The following ARHGAP31 variants were observed in gnomAD, a reference collection of about 807,000 sequenced individuals.
ARHGAP31 encodes the protein Rho GTPase activating protein 31.
ARHGAP31 carries 34 observed loss-of-function variants against 113.9 expected under a neutral mutation model. That is an observed-to-expected ratio of 0.30 (90% confidence interval 0.23 to 0.40). The LOEUF (loss-of-function observed/expected upper bound fraction) is 0.40, where lower values mean the gene tolerates loss of function less well. Ranked by LOEUF, ARHGAP31 falls within the 10% of genes least tolerant of loss-of-function variation. ARHGAP31 has a pLI of 1.00. For synonymous variants in ARHGAP31, 650 were observed against 684.8 expected, an observed-to-expected ratio of 0.95 and a Z score of 0.79; for missense variants, 1,548 against 1,767.1, an observed-to-expected ratio of 0.88 and a Z score of 2.22.
chr3:119,351,892 G>A (rs1051541139), intron 1 of ARHGAP31, among the ~76,000 whole-genome samples: 1 of 152,194 alleles, frequency 6.6e-6, no homozygotes, highest in African/African-American at 2.4e-5. Flanking sequence ...CTTTGATCAG[G>A]TGATTCCACT....
Position 119,361,263 on chromosome 3 carries a change from C to T in ARHGAP31, c.101-4053C>T, listed in dbSNP as rs559843335. Among the ~76,000 whole-genome samples the T allele has an allele frequency of 2.0e-5, 3 of 152,308 alleles. No homozygotes were observed. In the South Asian group the frequency reaches 6.2e-4, roughly 32 times the overall value. On this transcript the variant is annotated intron_variant, in intron 1 of 11. Transcript: ENST00000264245. ...AGGCAAATTCTCAACACTCCTACCA[C>T]CTGCCTCCCTACTGAATTGCAATAT...
chr3:119,413,163 A>G (rs1306159972), intron 11 of ARHGAP31, among the ~76,000 whole-genome samples: 1 of 151,366 alleles, frequency 6.6e-6, no homozygotes, highest in African/African-American at 2.4e-5. Context: ...TAAAAATACA[A>G]AAAATTAGCC....
intron 1 of ARHGAP31, among the ~76,000 whole-genome samples, chr3:119,360,004 A>G (rs2080191779): frequency 6.6e-6 from 1 of 151,842 alleles, no homozygotes. Context: ...GGTCCTTTTT[A>G]TTACCTCAAA....
At chr3:119,338,477 A>G (rs1244947082) in intron 1 of ARHGAP31, among the ~76,000 whole-genome samples, 2 of 152,258 alleles carry the variant, frequency 1.3e-5, no homozygotes, top group Admixed American at 6.5e-5. Flanking sequence ...TTAAGTCATT[A>G]TATGACCACT....
chr3:119,409,420 G>C, intron 10 of ARHGAP31, 76 bp from the exon 11 acceptor site: 1 of 1,557,564 alleles, frequency 6.4e-7, no homozygotes, highest in Non-Finnish European at 8.8e-7. Context: ...CCAGGAGACA[G>C]GACAGTGACT....
intron 11 of ARHGAP31, among the ~76,000 whole-genome samples, chr3:119,410,156 CTTCTT>C (rs778163892): frequency 1.1e-3 from 167 of 152,342 alleles, no homozygotes; most frequent in Non-Finnish European, 2.1e-3. Flanking sequence ...GTCCAGCCTT[CTTCTT>C]CTGGACATCC....
intron 1 of ARHGAP31, among the ~76,000 whole-genome samples, chr3:119,353,337 T>C (rs879356433): frequency 6.6e-6 from 1 of 152,230 alleles, no homozygotes; most frequent in Non-Finnish European, 1.5e-5. Flanking sequence ...AAAGAACTTT[T>C]GTTACAATTT....
At chr3:119,355,868 C>G (rs1019823010) in intron 1 of ARHGAP31, among the ~76,000 whole-genome samples, 1 of 152,158 alleles carries the variant, frequency 6.6e-6, no homozygotes, top group Non-Finnish European at 1.5e-5. Flanking sequence ...GCCACATTTT[C>G]TTAATCCAGT....
chr3:119,397,700 C>T (rs1044526618), intron 8 of ARHGAP31, among the ~76,000 whole-genome samples: 27 of 152,202 alleles, frequency 1.8e-4, no homozygotes, highest in African/African-American at 6.3e-4. Flanking sequence ...CCAGAAGGAG[C>T]AGGTTTGGAT....
intron 3 of ARHGAP31, among the ~76,000 whole-genome samples, chr3:119,378,156 G>A (rs1318430963): frequency 6.6e-6 from 1 of 152,124 alleles, no homozygotes; most frequent in Non-Finnish European, 1.5e-5. Flanking sequence ...ATCTTGGCCT[G>A]GCTAATGCTG....
intron 1 of ARHGAP31, among the ~76,000 whole-genome samples, chr3:119,349,197 T>G (rs949970582): frequency 6.6e-6 from 1 of 152,090 alleles, no homozygotes; most frequent in African/African-American, 2.4e-5. Flanking sequence ...GGAGAGAAAA[T>G]TGAGGAAGAG....
chr3:119,362,851 G>A (rs1436430125), intron 1 of ARHGAP31, among the ~76,000 whole-genome samples: 1 of 151,798 alleles, frequency 6.6e-6, no homozygotes, highest in Non-Finnish European at 1.5e-5. Flanking sequence ...AGTGCCCATT[G>A]GATGGGAAGA....
At chr3:119,400,518 G>A (rs1194720983) in intron 9 of ARHGAP31, among the ~76,000 whole-genome samples, 1 of 152,012 alleles carries the variant, frequency 6.6e-6, no homozygotes, top group African/African-American at 2.4e-5. Flanking sequence ...AAGTTAACTC[G>A]ATACTTTCAG....
chr3:119,346,461 A>G (rs1656875982), intron 1 of ARHGAP31, among the ~76,000 whole-genome samples: 1 of 152,228 alleles, frequency 6.6e-6, no homozygotes, highest in African/African-American at 2.4e-5. Context: ...TGAACAAGGA[A>G]GGGTTCTCTC....
intron 1 of ARHGAP31, chr3:119,341,804 C>G (rs1379611232): frequency 6.6e-6 from 1 of 151,712 alleles, no homozygotes; most frequent in Non-Finnish European, 1.5e-5. Context: ...TCTCAGGGGT[C>G]TGCCAGACAT....
chr3:119,303,506 G>A (rs1288531458), intron 1 of ARHGAP31, among the ~76,000 whole-genome samples: 1 of 152,176 alleles, frequency 6.6e-6, no homozygotes, highest in East Asian at 1.9e-4. Context: ...TTTAAGCTTG[G>A]TTGATGCATA....
intron 1 of ARHGAP31, among the ~76,000 whole-genome samples, chr3:119,333,672 G>A (rs2079916461): frequency 6.6e-6 from 1 of 152,172 alleles, no homozygotes; most frequent in Non-Finnish European, 1.5e-5. Flanking sequence ...TGAGCTCAGG[G>A]AGGTGAAGTG....
chr3:119,313,352 G>T (rs1335965819), intron 1 of ARHGAP31, among the ~76,000 whole-genome samples: 3 of 151,912 alleles, frequency 2.0e-5, no homozygotes, highest in Non-Finnish European at 4.4e-5. Flanking sequence ...CCATTTCTTT[G>T]TGTATGAAGC....
intron 6 of ARHGAP31, among the ~76,000 whole-genome samples, chr3:119,384,046 T>C (rs577881426): frequency 1.3e-5 from 2 of 152,372 alleles, no homozygotes; most frequent in South Asian, 4.1e-4. Context: ...GATGCTGCTG[T>C]TCAGGTCCAC....
Sources: gnomAD v4.1 joint callset for allele counts (sites outside exome capture counted in the v4.1 genomes callset) on GRCh38, gnomAD v4.1.1 for gene constraint, MANE v1.5 for transcripts, NCBI Gene and HGNC (gene_info 2026-07-23, HGNC 2026-07-21) for gene names.